PPIG: variants seen among roughly 807,000 people sequenced by gnomAD.
PPIG encodes the protein peptidyl-prolyl cis-trans isomerase G.
In PPIG, 26 loss-of-function variants were observed where a neutral mutation model predicts 87.9. The ratio of observed to expected loss-of-function variants is 0.30; its 90% CI spans 0.22 to 0.41. The LOEUF is 0.41. PPIG is among the 10% of genes least tolerant of loss of function. PPIG has a pLI of 1.00. For missense variants in PPIG, 722 were observed against 879.4 expected, an observed-to-expected ratio of 0.82 and a Z score of 2.26; for synonymous variants, 308 against 276.5, an observed-to-expected ratio of 1.11 and a Z score of -1.13.
chr2:169,619,867 C>T (rs913012014), intron 9 of PPIG, among the ~76,000 whole-genome samples: 32 of 151,944 alleles, frequency 2.1e-4, no homozygotes, highest in Non-Finnish European at 4.6e-4. Flanking sequence ...ACCTGTTGGC[C>T]ATTTGTATGT....
chr2:169,621,634 T>C (rs1222349936), intron 9 of PPIG, among the ~76,000 whole-genome samples: 4 of 152,154 alleles, frequency 2.6e-5, no homozygotes, highest in Non-Finnish European at 5.9e-5. Context: ...TGTTTAAACT[T>C]TAGAGTGTTT....
Position 169,584,478 on chromosome 2 carries a change from T to G in PPIG, c.-82T>G. 4.2e-6 allele frequency: 2 copies of G among 470,742 alleles called. No individual in the cohort carries two copies. Among genetic ancestry groups the G allele is most frequent in the Non-Finnish European group, 8.8e-6 (2 of 226,926 alleles). 29.2% of individuals were successfully genotyped at this position (470,742 alleles called of 1,614,324 possible). A position where few individuals can be genotyped will look rare whatever the true frequency, so the allele number is the denominator to read the frequency against. ...GACCGGACCCAGAGAAGAGGAAAAC[T>G]CTACCGGTGCAGGTAAGTGGTATGA... On this transcript the variant is annotated 5_prime_UTR_variant, in exon 1 of 14. Coordinates refer to ENST00000260970, the MANE Select transcript of PPIG (RefSeq NM_004792.3).
chr2:169,605,565 C>T (rs1182507270), intron 4 of PPIG, among the ~76,000 whole-genome samples: 1 of 151,652 alleles, frequency 6.6e-6, no homozygotes, highest in East Asian at 1.9e-4. Context: ...GTTTGGGAGG[C>T]CGAGGTGGGT....
intron 9 of PPIG, among the ~76,000 whole-genome samples, chr2:169,626,424 C>CA (rs1341446359): frequency 6.6e-6 from 1 of 152,140 alleles, no homozygotes; most frequent in African/African-American, 2.4e-5. Context: ...AACGGAGTCT[C>CA]AATCTGTCTC....
intron 7 of PPIG, among the ~76,000 whole-genome samples, chr2:169,610,927 T>C (rs1178676073): frequency 6.6e-6 from 1 of 152,178 alleles, no homozygotes; most frequent in African/African-American, 2.4e-5. Flanking sequence ...AACTTATGGC[T>C]GGGTGCAGTG....
intron 7 of PPIG, among the ~76,000 whole-genome samples, chr2:169,610,025 C>G (rs185866921): frequency 6.6e-6 from 1 of 152,174 alleles, no homozygotes; most frequent in Non-Finnish European, 1.5e-5. Context: ...AAAATTATGA[C>G]CAGGCCTGTT....
At chr2:169,618,968 G>A (rs1471427887) in intron 9 of PPIG, among the ~76,000 whole-genome samples, 1 of 152,000 alleles carries the variant, frequency 6.6e-6, no homozygotes, top group Non-Finnish European at 1.5e-5. Context: ...TAATTGTGAT[G>A]TTAGGGTGTC....
At chr2:169,632,676 C>A (rs955559406) in intron 11 of PPIG, among the ~76,000 whole-genome samples, 23 of 151,962 alleles carry the variant, frequency 1.5e-4, no homozygotes, top group African/African-American at 5.5e-4. Context: ...ACCTGGGAGG[C>A]GGAGCTTGCA....
intron 1 of PPIG, 156 bp downstream of exon 1, chr2:169,584,646 A>C (rs1003120729): frequency 2.5e-6 from 1 of 404,960 alleles, no homozygotes; most frequent in Non-Finnish European, 4.8e-6. Context: ...GCTTGGGCCC[A>C]GAGGAAGTCC....
Position 169,636,687 on chromosome 2 carries a change from C to G in PPIG, c.1429C>G (p.His477Asp). The change falls in exon 14 of 14, where the codon CAT becomes GAT. Residue 477 changes from histidine (H) to aspartate (D), a missense_variant. By Grantham distance (81) the His-to-Asp change is moderately conservative. This residue lies in a region of PPIG where 476 missense variants were observed against 483.1 expected (regional missense o/e 0.99). Transcript: ENST00000260970. ...AAAGAGTAAAGAAAGAGATTCAAAA[C>G]ATAATAGAAATGAAGAAAAGAGGAT... ...KSKSKERDSK[H>D]NRNEEKRMRS... The G allele has an allele frequency of 6.2e-7, 1 of 1,608,274 alleles. No individual in the cohort carries two copies. Among genetic ancestry groups the G allele is most frequent in the South Asian group, 1.1e-5 (1 of 89,482 alleles).
chr2:169,594,195 C>G (rs1197454281), intron 1 of PPIG, among the ~76,000 whole-genome samples: 1 of 151,914 alleles, frequency 6.6e-6, no homozygotes, highest in Non-Finnish European at 1.5e-5. Flanking sequence ...AGTATAAACA[C>G]TTATGAATTT....
chr2:169,619,072 C>T (rs573918070), intron 9 of PPIG, among the ~76,000 whole-genome samples: 5 of 152,126 alleles, frequency 3.3e-5, no homozygotes, highest in Admixed American at 6.6e-5. Flanking sequence ...GATTCTGGTA[C>T]GTTGTGTCTT....
At chr2:169,619,047 T>A (rs1461104376) in intron 9 of PPIG, among the ~76,000 whole-genome samples, 1 of 152,214 alleles carries the variant, frequency 6.6e-6, no homozygotes, top group African/African-American at 2.4e-5. Flanking sequence ...AACACTACTT[T>A]AGCTGTGTCC....
intron 7 of PPIG, among the ~76,000 whole-genome samples, chr2:169,609,008 C>T (rs1015103173): frequency 2.7e-5 from 4 of 148,962 alleles, no homozygotes; most frequent in Non-Finnish European, 5.9e-5. Context: ...GGCGTGAACC[C>T]GGGAGGGGGA....
Position 169,640,672 on chromosome 2 carries a change from A to C in PPIG, c.*3149A>C, listed in dbSNP as rs1686292324. Reference sequence around the variant, plus strand: ...TTTTGGATTTATACATTTACAATTGAATAAGGATTATAGGTTGATAAGCTG... The same window carrying C: ...TTTTGGATTTATACATTTACAATTGCATAAGGATTATAGGTTGATAAGCTG... On this transcript the variant is annotated 3_prime_UTR_variant, in exon 14 of 14. Coordinates refer to ENST00000260970, the MANE Select transcript of PPIG (RefSeq NM_004792.3). The C allele has an allele frequency of 6.6e-6, 1 of 152,164 alleles. No individual in the cohort carries two copies. Among genetic ancestry groups the C allele is most frequent in the Non-Finnish European group, 1.5e-5 (1 of 68,028 alleles). 9.4% of individuals were successfully genotyped at this position (152,164 alleles called of 1,614,324 possible).
rs566037954 is a variant in PPIG, at chr2:169,602,420, A to G, written c.-69-1222A>G. 1.4e-4 allele frequency among the ~76,000 whole-genome samples: 22 copies of G among 152,196 alleles called. No individual in the cohort carries two copies. In the South Asian group the frequency reaches 3.7e-3, roughly 26 times the overall value. ...AACCTCTACCTCCCGGGCTCAAGCA[A>G]TTCTCCTGCCTCAGCCTCCTGAGTA... On this transcript the variant is annotated intron_variant, in intron 1 of 13. Transcript: ENST00000260970.
At chr2:169,604,886 A>G (rs1453800020) in intron 4 of PPIG, among the ~76,000 whole-genome samples, 1 of 149,832 alleles carries the variant, frequency 6.7e-6, no homozygotes, top group Non-Finnish European at 1.5e-5. Flanking sequence ...AAAAAAAAAA[A>G]GAAAGAAATA....
intron 1 of PPIG, among the ~76,000 whole-genome samples, chr2:169,585,050 T>C (rs114492836): frequency 0.021 from 3,259 of 152,214 alleles, 127 homozygotes; most frequent in African/African-American, 0.074. Flanking sequence ...CACAGCACAG[T>C]GGCTGTCGTG....
At chr2:169,606,670 G>C (rs1685338380) in intron 5 of PPIG, among the ~76,000 whole-genome samples, 1 of 150,954 alleles carries the variant, frequency 6.6e-6, no homozygotes, top group Admixed American at 6.6e-5. Context: ...TAGGCTTCTG[G>C]ATACAAAACA....
Sources: allele counts gnomAD v4.1 joint callset (sites outside exome capture counted in the v4.1 genomes callset), GRCh38; gene constraint gnomAD v4.1.1; regional missense constraint gnomAD v4.1.1; transcripts MANE v1.5; gene names NCBI Gene and HGNC (gene_info 2026-07-23, HGNC 2026-07-21).